ASIC2: variants seen among roughly 807,000 people sequenced by gnomAD.
The protein encoded by ASIC2 is acid-sensing ion channel 2.
In ASIC2, 25 loss-of-function variants were observed where a neutral mutation model predicts 57.3. The observed-to-expected ratio is 0.44, with a 90% CI of 0.32 to 0.61. The LOEUF is 0.61. Ranked by LOEUF, ASIC2 falls within the 20% of genes least tolerant of loss-of-function variation. The pLI, the probability that ASIC2 is intolerant of heterozygous loss-of-function variation, is 0.06. For missense variants in ASIC2, 641 were observed against 738.1 expected, an observed-to-expected ratio of 0.87 and a Z score of 1.52; for synonymous variants, 319 against 307.5, an observed-to-expected ratio of 1.04 and a Z score of -0.39.
intron 1 of ASIC2, among the ~76,000 whole-genome samples, chr17:33,912,001 G>T (rs1218106281): frequency 6.6e-6 from 1 of 151,942 alleles, no homozygotes; most frequent in East Asian, 1.9e-4. Context: ...TTAGTGGGGC[G>T]TGGTGGTGTA....
chr17:34,019,052 C>T (rs1014414757), intron 1 of ASIC2, among the ~76,000 whole-genome samples: 100 of 152,162 alleles, frequency 6.6e-4, no homozygotes, highest in African/African-American at 2.1e-3. Flanking sequence ...GGACTACAGG[C>T]GCCCGCCACC....
chr17:33,959,319 G>C (rs1181425529), intron 1 of ASIC2, among the ~76,000 whole-genome samples: 1 of 152,080 alleles, frequency 6.6e-6, no homozygotes, highest in Non-Finnish European at 1.5e-5. Flanking sequence ...CCCTACTCCT[G>C]GTACCAATTT....
chr17:34,127,977 C>T (rs1242328959), intron 1 of ASIC2, among the ~76,000 whole-genome samples: 3 of 152,072 alleles, frequency 2.0e-5, no homozygotes, highest in Non-Finnish European at 1.5e-5. Flanking sequence ...GGGGAAGTTA[C>T]TCAACCTCCC....
At chr17:33,601,878 C>T (rs1382871792) in intron 1 of ASIC2, among the ~76,000 whole-genome samples, 8 of 152,252 alleles carry the variant, frequency 5.3e-5, no homozygotes, top group South Asian at 2.1e-4. Context: ...TTTAAGACTT[C>T]GTGTTTTCCC....
At chr17:33,394,509 G>A (rs1422020440) in intron 1 of ASIC2, among the ~76,000 whole-genome samples, 1 of 152,202 alleles carries the variant, frequency 6.6e-6, no homozygotes, top group East Asian at 1.9e-4. Context: ...AAAACACTTG[G>A]TCAAGGAAAT....
chr17:33,173,156 T>C (rs551678879), intron 1 of ASIC2, among the ~76,000 whole-genome samples: 101 of 152,274 alleles, frequency 6.6e-4, no homozygotes, highest in Middle Eastern at 3.4e-3. Context: ...TACTGCTCTA[T>C]AGAAGATGAG....
At chr17:33,432,537 C>T (rs1911456803) in intron 1 of ASIC2, among the ~76,000 whole-genome samples, 1 of 152,210 alleles carries the variant, frequency 6.6e-6, no homozygotes, top group African/African-American at 2.4e-5. Flanking sequence ...TTCACCTCCA[C>T]TTAATGAATA....
At chr17:33,588,393 G>A (rs1904709655) in intron 1 of ASIC2, among the ~76,000 whole-genome samples, 1 of 152,162 alleles carries the variant, frequency 6.6e-6, no homozygotes, top group Non-Finnish European at 1.5e-5. Flanking sequence ...TGAAAGAGTT[G>A]GATTCAGTGA....
Position 33,277,610 on chromosome 17 carries a change from T to G in ASIC2, c.708+13798A>C, listed in dbSNP as rs181764223. 3.9e-5 allele frequency among the ~76,000 whole-genome samples: 6 copies of G among 152,290 alleles called. No homozygotes were observed. The East Asian group carries it at 1.2e-3, about 29-fold the overall frequency. ...TGAATGAGGAAACTCTATCTGAACA[T>G]CAAAGGCTTAAGACCTTTGCCCTGG... On this transcript the variant is annotated intron_variant, in intron 1 of 9. Coordinates refer to ENST00000225823, the MANE Select transcript of ASIC2 (RefSeq NM_183377.2).
At chr17:33,503,172 C>T (rs1914150795) in intron 1 of ASIC2, among the ~76,000 whole-genome samples, 1 of 152,100 alleles carries the variant, frequency 6.6e-6, no homozygotes, top group Non-Finnish European at 1.5e-5. Flanking sequence ...GTGTGCTGTG[C>T]ACATGGAACG....
chr17:33,438,422 C>T (rs73983687), intron 1 of ASIC2, among the ~76,000 whole-genome samples: 6,837 of 152,226 alleles, frequency 0.045, 487 homozygotes, highest in African/African-American at 0.16. Flanking sequence ...AGTTGAAGAA[C>T]ATCAATCACT....
intron 1 of ASIC2, among the ~76,000 whole-genome samples, chr17:33,599,940 C>G (rs1431069275): frequency 6.6e-6 from 1 of 152,176 alleles, no homozygotes; most frequent in Non-Finnish European, 1.5e-5. Flanking sequence ...ACCCTTGATT[C>G]TTCTTTTTCT....
intron 1 of ASIC2, among the ~76,000 whole-genome samples, chr17:33,476,678 G>C (rs774538395): frequency 3.9e-5 from 6 of 151,988 alleles, no homozygotes; most frequent in Non-Finnish European, 8.8e-5. Flanking sequence ...CAAATGGTGA[G>C]AGTGCTTGCT....
At chr17:34,031,657 A>G (rs1223288653) in intron 1 of ASIC2, among the ~76,000 whole-genome samples, 2 of 152,244 alleles carry the variant, frequency 1.3e-5, no homozygotes, top group Non-Finnish European at 2.9e-5. Flanking sequence ...CAATGGAGAA[A>G]AGTCCTTAAG....
chr17:33,145,366 G>A (rs1904518930), intron 1 of ASIC2, among the ~76,000 whole-genome samples: 1 of 152,230 alleles, frequency 6.6e-6, no homozygotes, highest in South Asian at 2.1e-4. Context: ...ATCCCTGCCT[G>A]CGGTCTGAGC....
At chr17:33,704,005 C>G (rs1908787968) in intron 1 of ASIC2, among the ~76,000 whole-genome samples, 1 of 152,154 alleles carries the variant, frequency 6.6e-6, no homozygotes, top group Non-Finnish European at 1.5e-5. Context: ...TTATTCTGAG[C>G]TCAGGTCACT....
Position 33,877,610 on chromosome 17 carries a change from G to A in ASIC2, c.555+278368C>T, listed in dbSNP as rs556704825. Among the ~76,000 whole-genome samples the A allele has an allele frequency of 3.9e-5, 6 of 152,358 alleles. No individual in the cohort carries two copies. In the South Asian group the frequency reaches 1.0e-3, roughly 26 times the overall value. On this transcript the variant is annotated intron_variant, in intron 1 of 9. Coordinates refer to the ASIC2 transcript ENST00000359872. ...TTGAGTAGGTAAACAAAACAGCCGG[G>A]AAGCTCGAACTGGGTGGAGCCCACT...
chr17:33,223,385 GT>G (rs1302393496), intron 1 of ASIC2, among the ~76,000 whole-genome samples: 11 of 152,056 alleles, frequency 7.2e-5, no homozygotes, highest in African/African-American at 2.4e-4. Flanking sequence ...GTTTCACCAT[GT>G]TGGCCAGGCT....
intron 1 of ASIC2, among the ~76,000 whole-genome samples, chr17:33,115,368 G>A (rs1188770703): frequency 6.6e-6 from 1 of 152,122 alleles, no homozygotes; most frequent in African/African-American, 2.4e-5. Flanking sequence ...CACCAGCAGA[G>A]GCCTAAAATC....
Sources: gnomAD v4.1 joint callset for allele counts (sites outside exome capture counted in the v4.1 genomes callset) on GRCh38, gnomAD v4.1.1 for gene constraint, MANE v1.5 for transcripts, NCBI Gene and HGNC (gene_info 2026-07-23, HGNC 2026-07-21) for gene names.